Variants in ARHGEF11 observed in about 807,000 individuals in gnomAD.
ARHGEF11 encodes the protein Rho guanine nucleotide exchange factor 11, also known as Rho guanine exchange factor (GEF) 11.
A neutral mutation model predicts 193.7 loss-of-function variants in ARHGEF11; 55 were observed. The observed-to-expected ratio is 0.28, with a 90% CI of 0.23 to 0.36. The LOEUF (loss-of-function observed/expected upper bound fraction) is 0.36, where lower values mean the gene tolerates loss of function less well. Ranked by LOEUF, ARHGEF11 falls within the 10% of genes least tolerant of loss-of-function variation. The pLI, the probability that ARHGEF11 is intolerant of heterozygous loss-of-function variation, is 1.00. For missense variants in ARHGEF11, 1,723 were observed against 2,005.6 expected (o/e 0.86, Z 2.69); for synonymous variants, 693 against 768.0 (o/e 0.90, Z 1.62).
chr1:156,971,019 C>A (rs1048201095), intron 8 of ARHGEF11, among the ~76,000 whole-genome samples: 1 of 152,192 alleles, frequency 6.6e-6, no homozygotes, highest in East Asian at 1.9e-4. Context: ...AAAAGTAGAT[C>A]ATCTTTAATT....
At chr1:157,004,654 G>A (rs142022028) in intron 1 of ARHGEF11, among the ~76,000 whole-genome samples, 158 of 152,280 alleles carry the variant, frequency 1.0e-3, no homozygotes, top group Non-Finnish European at 1.9e-3. Flanking sequence ...AACTGAAGAC[G>A]GGTGGGGTGA....
intron 33 of ARHGEF11, 78 bp from the exon 34 acceptor site, chr1:156,942,067 G>C (rs952611744): frequency 1.9e-6 from 3 of 1,604,924 alleles, no homozygotes; most frequent in Admixed American, 3.3e-5. Context: ...GAGCCCACTG[G>C]AACAGGGCTT....
intron 1 of ARHGEF11, among the ~76,000 whole-genome samples, chr1:157,011,759 C>A (rs567012173): frequency 3.0e-4 from 45 of 152,186 alleles, no homozygotes; most frequent in African/African-American, 1.0e-3. Context: ...TAAGGAAATG[C>A]AAATCAAAAC....
rs1232654075 is a variant in ARHGEF11, at chr1:156,948,434, A to T, written c.1990T>A (p.Ser664Thr). The part of the protein sequence containing the change: ...SLKGREEMKR[S>T]RKAENVPRSR... ...CGGGGCACGTTCTCTGCCTTTCGAG[A>T]CCGTTTCATCTCTTCCCGGCCCTTG... is the stretch of plus-strand genomic sequence containing the variant. The change falls in exon 23 of 41, where the codon TCT (serine) becomes ACT (threonine). Residue 664 changes from serine (S) to threonine (T), a missense_variant. Ser to Thr is a moderately conservative substitution (Grantham distance 58). Coordinates refer to ENST00000368194, the MANE Select transcript of ARHGEF11 (RefSeq NM_198236.3). This position sits in a 1 kb window ranked among gnomAD's most constrained non-coding sequence, Gnocchi z 4.2. 6.2e-7 allele frequency: 1 copy of T among 1,614,092 alleles called. No individual in the cohort carries two copies. Among genetic ancestry groups the T allele is most frequent in the South Asian group, 1.1e-5 (1 of 91,088 alleles).
chr1:157,002,734 C>T (rs1667356679), intron 1 of ARHGEF11, among the ~76,000 whole-genome samples: 1 of 152,126 alleles, frequency 6.6e-6, no homozygotes, highest in Non-Finnish European at 1.5e-5. Context: ...TTAGTAAATT[C>T]TTGTGACTGA....
intron 10 of ARHGEF11, 111 bp from the exon 11 acceptor site, chr1:156,968,235 G>C: frequency 2.4e-6 from 3 of 1,232,480 alleles, no homozygotes; most frequent in Admixed American, 2.6e-5. Flanking sequence ...GCTAAGAGAA[G>C]TGCAGTACTT....
Position 157,044,617 on chromosome 1 carries a change from G to C in ARHGEF11, c.-287C>G, listed in dbSNP as rs902928057. ...AAGAGGAAAAACTACGACCTTCTCA[G>C]AAACCAAAAACCCAGCCACGAATCT... On this transcript the variant is annotated 5_prime_UTR_variant, in exon 1 of 41. Transcript: ENST00000368194. The C allele has an allele frequency of 1.7e-5, 8 of 483,832 alleles. No homozygotes were observed. The highest frequency in any genetic ancestry group is 2.5e-5 in the Non-Finnish European group (7 of 274,566). 30.0% of individuals were successfully genotyped at this position (483,832 alleles called of 1,614,324 possible). A position where few individuals can be genotyped will look rare whatever the true frequency, so the allele number is the denominator to read the frequency against.
chr1:157,009,709 T>C (rs1668322529), intron 1 of ARHGEF11, among the ~76,000 whole-genome samples: 1 of 152,212 alleles, frequency 6.6e-6, no homozygotes, highest in Admixed American at 6.5e-5. Context: ...ATTCATGAGC[T>C]AGTCTAAGCT....
intron 10 of ARHGEF11, among the ~76,000 whole-genome samples, chr1:156,968,592 G>T (rs1033831134): frequency 6.6e-6 from 1 of 152,076 alleles, no homozygotes; most frequent in Non-Finnish European, 1.5e-5. Flanking sequence ...CCATGGACAG[G>T]GCAGTAAGAA....
chr1:157,013,710 C>T (rs1668853201), intron 1 of ARHGEF11, among the ~76,000 whole-genome samples: 1 of 152,170 alleles, frequency 6.6e-6, no homozygotes, highest in South Asian at 2.1e-4. Flanking sequence ...TGAATCTTGA[C>T]ATTGCTCACA....
intron 21 of ARHGEF11, among the ~76,000 whole-genome samples, chr1:156,954,649 G>T (rs1407895366): frequency 6.6e-6 from 1 of 152,232 alleles, no homozygotes; most frequent in Non-Finnish European, 1.5e-5. Flanking sequence ...GGAACTCTGA[G>T]TTAGGAGACA....
At chr1:157,008,729 T>G (rs1668202569) in intron 1 of ARHGEF11, among the ~76,000 whole-genome samples, 2 of 152,118 alleles carry the variant, frequency 1.3e-5, no homozygotes, top group African/African-American at 4.8e-5. Context: ...TATGTATCAA[T>G]GTAGGGGTGT....
intron 1 of ARHGEF11, among the ~76,000 whole-genome samples, chr1:156,993,488 A>C (rs903871897): frequency 2.6e-5 from 4 of 152,208 alleles, no homozygotes; most frequent in African/African-American, 9.7e-5. Context: ...ACACAGGCTG[A>C]GCTAGGTTTT....
Position 156,985,854 on chromosome 1 carries a change from C to G in ARHGEF11, c.124+228G>C, listed in dbSNP as rs1664843963. On this transcript the variant is annotated intron_variant, in intron 2 of 40. Coordinates refer to ENST00000368194, the MANE Select transcript of ARHGEF11 (RefSeq NM_198236.3). ...ATGGGTGTTCTGACCTGCTCCATTT[C>G]TGACCTGGGTCAGTTCACCTCTCCT... 12 of 430,920 alleles carry G rather than the reference C, an allele frequency of 2.8e-5. No homozygotes were observed. In the South Asian group the frequency reaches 3.3e-4, roughly 12 times the overall value. 26.7% of individuals were successfully genotyped at this position (430,920 alleles called of 1,614,324 possible).
chr1:156,972,379 T>G (rs903528668), intron 7 of ARHGEF11, among the ~76,000 whole-genome samples: 1 of 152,196 alleles, frequency 6.6e-6, no homozygotes, highest in Non-Finnish European at 1.5e-5. Context: ...TTACTAGCTG[T>G]ATAGACTTGG....
Position 156,948,537 on chromosome 1 carries a change from T to C in ARHGEF11, c.1926-39A>G. Reference sequence around the variant, plus strand: ...ACAAAAGACTTTGGGACTTGGGAAGTCAGTGGGCCATGCTTACATCCTGGC... The same window carrying C: ...ACAAAAGACTTTGGGACTTGGGAAGCCAGTGGGCCATGCTTACATCCTGGC... On this transcript the variant is annotated intron_variant, in intron 22 of 40. Transcript: ENST00000368194. This position sits in a 1 kb window ranked among gnomAD's most constrained non-coding sequence, Gnocchi z 4.2. 6.2e-7 allele frequency: 1 copy of C among 1,614,046 alleles called. No individual in the cohort carries two copies. The highest frequency in any genetic ancestry group is 8.5e-7 in the Non-Finnish European group (1 of 1,180,018).
chr1:156,951,290 T>C (rs1659056596), intron 22 of ARHGEF11, among the ~76,000 whole-genome samples: 1 of 152,238 alleles, frequency 6.6e-6, no homozygotes, highest in Non-Finnish European at 1.5e-5. Context: ...CCTAGCTCGA[T>C]CTTGGATGAA....
At chr1:156,939,191 T>G (rs1021397393) in intron 37 of ARHGEF11, 15 of 298,880 alleles carry the variant, frequency 5.0e-5, no homozygotes, top group Middle Eastern at 1.1e-3. Context: ...GAAGAGTGGC[T>G]CTTTTCCCTG....
chr1:156,976,728 A>AC (rs1663314835), intron 7 of ARHGEF11, among the ~76,000 whole-genome samples: 1 of 152,022 alleles, frequency 6.6e-6, no homozygotes, highest in Non-Finnish European at 1.5e-5. Context: ...AACTCTGTTG[A>AC]CTTTTTTTTG....
Sources: allele counts gnomAD v4.1 joint callset (sites outside exome capture counted in the v4.1 genomes callset), GRCh38; gene constraint gnomAD v4.1.1; non-coding constraint Gnocchi (gnomAD v3.1); transcripts MANE v1.5; gene names NCBI Gene and HGNC (gene_info 2026-07-23, HGNC 2026-07-21).